The following LRRC37B variants were observed in gnomAD, a reference collection of about 807,000 sequenced individuals.
The protein encoded by LRRC37B is leucine-rich repeat-containing protein 37B.
In LRRC37B, 28 loss-of-function variants were observed where a neutral mutation model predicts 98.3. The observed-to-expected ratio is 0.28, with a 90% CI of 0.21 to 0.39. The LOEUF (loss-of-function observed/expected upper bound fraction) is 0.39. Ranked by LOEUF, LRRC37B falls within the 10% of genes least tolerant of loss-of-function variation. The pLI is 1.00. For synonymous variants in LRRC37B, 364 were observed against 442.7 expected, an observed-to-expected ratio of 0.82 and a Z score of 2.23; for missense variants, 938 against 1,182.7, an observed-to-expected ratio of 0.79 and a Z score of 3.03.
chr17:32,014,508 C>T (rs960552336), intron 1 of LRRC37B, among the ~76,000 whole-genome samples: 2 of 152,146 alleles, frequency 1.3e-5, no homozygotes, highest in East Asian at 3.8e-4. Flanking sequence ...AATGTATAAG[C>T]AGGTCTTTAG....
At chr17:32,046,191 G>A (rs959726672) in intron 8 of LRRC37B, among the ~76,000 whole-genome samples, 4 of 152,220 alleles carry the variant, frequency 2.6e-5, no homozygotes, top group Non-Finnish European at 5.9e-5. Context: ...GAGGTCTCAA[G>A]TACTCTCTGC....
chr17:32,017,476 C>A (rs1287643230), upstream of LRRC37B, among the ~76,000 whole-genome samples: 1 of 152,146 alleles, frequency 6.6e-6, no homozygotes, highest in Non-Finnish European at 1.5e-5. Context: ...GTCCTTTGAA[C>A]CAAACACAGT....
At chr17:32,035,325 A>T (rs529465553) in intron 6 of LRRC37B, among the ~76,000 whole-genome samples, 17 of 151,928 alleles carry the variant, frequency 1.1e-4, no homozygotes, top group African/African-American at 4.1e-4. Context: ...TGAAATGAGA[A>T]GTAAGATAAT....
exon 1 of LRRC37B, chr17:32,021,908 A>G (rs1172824965): frequency 1.4e-5 from 23 of 1,614,034 alleles, no homozygotes; most frequent in Non-Finnish European, 1.9e-5. Flanking sequence ...CTCCTGAGCA[A>G]GTTGGACTTT....
upstream of LRRC37B, among the ~76,000 whole-genome samples, chr17:32,019,595 G>A (rs975699170): frequency 7.2e-5 from 11 of 152,112 alleles, no homozygotes; most frequent in African/African-American, 2.7e-4. Context: ...GGGAGCAAAA[G>A]TTTCATTTCA....
chr17:32,027,085 G>C lies in LRRC37B; in HGVS notation c.1833-684G>C, dbSNP rs188807491. ...AACATTTATGTTATGTGCACTTTAC[G>C]CACATTGTAGTTCTCAAATTTTTTT... On this transcript the variant is annotated intron_variant, in intron 2 of 11. Transcript: ENST00000327564. Among the ~76,000 whole-genome samples the C allele has an allele frequency of 3.9e-5, 6 of 152,198 alleles. No homozygotes were observed. The East Asian group carries it at 5.8e-4, about 15-fold the overall frequency.
At chr17:32,045,034 T>G (rs1911534922) in intron 7 of LRRC37B, among the ~76,000 whole-genome samples, 2 of 152,196 alleles carry the variant, frequency 1.3e-5, no homozygotes, top group Admixed American at 6.5e-5. Context: ...CTATTTTTAT[T>G]ACATTGGTGG....
At chr17:32,018,782 G>A (rs140046591), upstream of LRRC37B, among the ~76,000 whole-genome samples, 1,536 of 152,260 alleles carry the variant, frequency 0.01, 10 homozygotes, top group Middle Eastern at 0.024. Flanking sequence ...TATACCTTGG[G>A]TGGACTATTT....
chr17:32,041,635 G>A, intron 7 of LRRC37B: 1 of 463,222 alleles, frequency 2.2e-6, no homozygotes, highest in Non-Finnish European at 4.3e-6. Flanking sequence ...AAGCCTGCCG[G>A]CGCCACCCAG....
chr17:32,037,242 A>G (rs967117415), intron 7 of LRRC37B, among the ~76,000 whole-genome samples: 3 of 151,938 alleles, frequency 2.0e-5, no homozygotes, highest in Non-Finnish European at 4.4e-5. Context: ...TGGCCTCCCA[A>G]AGTGCTGTGG....
At chr17:32,034,293 G>A (rs572068198) in intron 5 of LRRC37B, among the ~76,000 whole-genome samples, 1 of 152,132 alleles carries the variant, frequency 6.6e-6, no homozygotes, top group African/African-American at 2.4e-5. Flanking sequence ...CCTGAGGTTA[G>A]GAGTTGGAGA....
At chr17:32,021,353 G>A (rs761255370) in exon 1 of LRRC37B, 21 of 1,613,822 alleles carry the variant, frequency 1.3e-5, no homozygotes, top group South Asian at 3.3e-5. Context: ...CAGCAGCCCC[G>A]GGGGACTTTG....
rs146798062 is a variant in LRRC37B, at chr17:32,041,422, C to T, written c.2205-4278C>T. On this transcript the variant is annotated intron_variant, in intron 7 of 11. Transcript: ENST00000327564. The stretch of plus-strand genomic sequence containing the variant: ...GGCTTCCATGAGGGTGACGTCTTCA[C>T]GCTGATCAACCAGATCAACGAGAAC... 8.1e-5 allele frequency: 60 copies of T among 736,882 alleles called. No individual in the cohort carries two copies. The East Asian group carries it at 1.4e-3, about 17-fold the overall frequency. The allele number at this position is 736,882 out of a possible 1,614,324, so 45.6% of individuals were successfully genotyped here. A position where few individuals can be genotyped will look rare whatever the true frequency, so the allele number is the denominator to read the frequency against.
chr17:32,034,931 G>A (rs779712372), exon 6 of LRRC37B: 13 of 1,612,170 alleles, frequency 8.1e-6, no homozygotes, highest in Middle Eastern at 1.7e-4. Context: ...GCAATCCTCT[G>A]ACTACTGTCG....
intron 1 of LRRC37B, among the ~76,000 whole-genome samples, chr17:32,010,385 T>G (rs1910499862): frequency 6.6e-6 from 1 of 152,252 alleles, no homozygotes; most frequent in Non-Finnish European, 1.5e-5. Flanking sequence ...CTTTTGATTA[T>G]TACAAAAACG....
intron 1 of LRRC37B, among the ~76,000 whole-genome samples, chr17:32,014,884 C>A (rs1910616788): frequency 6.6e-6 from 1 of 152,186 alleles, no homozygotes; most frequent in Non-Finnish European, 1.5e-5. Flanking sequence ...GTAATCCCAG[C>A]ACTTTGGGAG....
chr17:32,010,520 G>T (rs1156956425), intron 1 of LRRC37B, among the ~76,000 whole-genome samples: 5 of 152,084 alleles, frequency 3.3e-5, no homozygotes, highest in African/African-American at 4.8e-5. Flanking sequence ...GTTTCCTTAA[G>T]GTAGAGTGTA....
At position 32,021,720 on chromosome 17, in the gene LRRC37B, CT is replaced by C; in HGVS notation, c.656del (p.Leu219ArgfsTer5). The C allele has an allele frequency of 6.2e-7, 1 of 1,614,194 alleles. No individual in the cohort carries two copies. Among genetic ancestry groups the C allele is most frequent in the Non-Finnish European group, 8.5e-7 (1 of 1,180,036 alleles). ...CAAATTTGTTGTTTCGCCCAAGAAC[CT>C]GAAGAAAGATCTAGCTGAACGTTGG... is the stretch of plus-strand genomic sequence containing the variant. On this transcript the variant is annotated frameshift_variant, in exon 1 of 12. Transcript: ENST00000327564. LOFTEE classifies it high-confidence loss of function.
chr17:32,036,721 A>G (rs1911253859), intron 7 of LRRC37B, among the ~76,000 whole-genome samples: 1 of 152,170 alleles, frequency 6.6e-6, no homozygotes, highest in Admixed American at 6.5e-5. Flanking sequence ...TTATCCATTC[A>G]TCAATGTATA....
Sources: allele counts gnomAD v4.1 joint callset (sites outside exome capture counted in the v4.1 genomes callset), GRCh38; gene constraint gnomAD v4.1.1; transcripts MANE v1.5; gene names NCBI Gene and HGNC (gene_info 2026-07-23, HGNC 2026-07-21).